The following SEPTIN14 variants were observed in gnomAD, a reference collection of about 807,000 sequenced individuals.
SEPTIN14 encodes the protein septin-14.
SEPTIN14 carries 40 observed loss-of-function variants against 53.6 expected under a neutral mutation model. The observed-to-expected ratio is 0.75, with a 90% CI of 0.58 to 0.97. SEPTIN14 has a LOEUF of 0.97. SEPTIN14 is among the 50% of genes least tolerant of loss of function. The probability of loss-of-function intolerance (pLI) is 0.00; values close to 1 mark genes in which losing one functional copy is unlikely to be tolerated. For synonymous variants in SEPTIN14, 138 were observed against 166.8 expected (o/e 0.83, Z 1.33); for missense variants, 471 against 508.2 (o/e 0.93, Z 0.70).
chr7:55,816,400 G>A (rs1788791325), intron 7 of SEPTIN14, among the ~76,000 whole-genome samples: 1 of 152,048 alleles, frequency 6.6e-6, no homozygotes, highest in Non-Finnish European at 1.5e-5. Context: ...GAGTTGATGG[G>A]TACTCTATCC....
chr7:55,805,153 G>T, intron 9 of SEPTIN14, 105 bp downstream of exon 9: 1 of 1,022,214 alleles, frequency 9.8e-7, no homozygotes, highest in African/African-American at 1.6e-5. Context: ...TTGAAAAATA[G>T]CAAGTATCCT....
chr7:55,849,743 C>T lies in SEPTIN14; in HGVS notation c.55-3106G>A, dbSNP rs555548047. Among the ~76,000 whole-genome samples, 8 of 152,118 alleles carry T rather than the reference C, an allele frequency of 5.3e-5. No individual in the cohort carries two copies. The East Asian group carries it at 1.5e-3, about 29-fold the overall frequency. Reference sequence around the variant, plus strand: ...CCTGGGCAACAGAGCAAGACTCCATCTCAAAAAAACAAAAAACAAACAAAC... The same window carrying T: ...CCTGGGCAACAGAGCAAGACTCCATTTCAAAAAAACAAAAAACAAACAAAC... On this transcript the variant is annotated intron_variant, in intron 2 of 9. Coordinates refer to ENST00000388975, the MANE Select transcript of SEPTIN14 (RefSeq NM_207366.3).
At chr7:55,815,641 A>T (rs746868108) in intron 7 of SEPTIN14, among the ~76,000 whole-genome samples, 5 of 152,208 alleles carry the variant, frequency 3.3e-5, no homozygotes, top group Non-Finnish European at 7.3e-5. Flanking sequence ...TAAAAACTAC[A>T]ATGAGATATA....
chr7:55,807,696 A>C (rs1039309904), intron 7 of SEPTIN14, among the ~76,000 whole-genome samples: 2 of 152,154 alleles, frequency 1.3e-5, no homozygotes, highest in Non-Finnish European at 2.9e-5. Context: ...CTTTAGTTAC[A>C]TATTTCCATT....
chr7:55,810,194 G>A (rs956387960), intron 7 of SEPTIN14, among the ~76,000 whole-genome samples: 2 of 150,154 alleles, frequency 1.3e-5, no homozygotes, highest in Non-Finnish European at 2.9e-5. Flanking sequence ...TGTTTAATTC[G>A]CATTTTCCTG....
intron 9 of SEPTIN14, among the ~76,000 whole-genome samples, chr7:55,799,364 A>T (rs533839480): frequency 1.3e-5 from 2 of 151,390 alleles, no homozygotes; most frequent in East Asian, 3.9e-4. Context: ...AAAAAAAAAA[A>T]AAAATTAGCC....
chr7:55,819,476 C>A (rs1165177473), intron 6 of SEPTIN14, among the ~76,000 whole-genome samples: 2 of 152,054 alleles, frequency 1.3e-5, no homozygotes, highest in Non-Finnish European at 1.5e-5. Context: ...GTAGTCCCAG[C>A]TACTCGGGAG....
At chr7:55,840,111 C>G (rs1789282850) in intron 5 of SEPTIN14, among the ~76,000 whole-genome samples, 4 of 149,642 alleles carry the variant, frequency 2.7e-5, no homozygotes, top group Non-Finnish European at 5.9e-5. Context: ...CACCACGGCA[C>G]TCCAGCCTGG....
chr7:55,835,591 T>C (rs1789191493), intron 5 of SEPTIN14, among the ~76,000 whole-genome samples: 1 of 152,192 alleles, frequency 6.6e-6, no homozygotes, highest in African/African-American at 2.4e-5. Context: ...GGAAGGGATT[T>C]TGTCCTTCTA....
At chr7:55,815,131 T>C (rs540060005) in intron 7 of SEPTIN14, among the ~76,000 whole-genome samples, 1 of 152,206 alleles carries the variant, frequency 6.6e-6, no homozygotes, top group African/African-American at 2.4e-5. Context: ...TCAACACATA[T>C]AAAAATCAAA....
At chr7:55,857,570 G>T (rs1789661420) in intron 2 of SEPTIN14, among the ~76,000 whole-genome samples, 1 of 121,078 alleles carries the variant, frequency 8.3e-6, no homozygotes, top group Non-Finnish European at 1.7e-5. Context: ...GGGAGGGGAG[G>T]GGAGCCTGTG....
chr7:55,819,347 T>A (rs1788851719), intron 6 of SEPTIN14, 124 bp from the exon 7 acceptor site: 1 of 687,600 alleles, frequency 1.5e-6, no homozygotes, highest in South Asian at 1.6e-5. Flanking sequence ...CCCAGCACTT[T>A]GGGAGGCCGA....
At chr7:55,839,883 G>A (rs1789277809) in intron 5 of SEPTIN14, among the ~76,000 whole-genome samples, 1 of 152,118 alleles carries the variant, frequency 6.6e-6, no homozygotes, top group African/African-American at 2.4e-5. Context: ...GATGGCTCAC[G>A]CCTGTAATCC....
chr7:55,808,782 C>A (rs1450094884), intron 7 of SEPTIN14, among the ~76,000 whole-genome samples: 4 of 152,104 alleles, frequency 2.6e-5, no homozygotes, highest in Non-Finnish European at 5.9e-5. Context: ...GAACTCCTGA[C>A]CTCAGGTGAT....
At chr7:55,825,335 A>C (rs542776994) in intron 6 of SEPTIN14, among the ~76,000 whole-genome samples, 1 of 152,326 alleles carries the variant, frequency 6.6e-6, no homozygotes, top group East Asian at 1.9e-4. Context: ...CCAAGGGTAA[A>C]GGGAAAAGAG....
At chr7:55,850,212 C>A (rs2116065712) in intron 2 of SEPTIN14, among the ~76,000 whole-genome samples, 1 of 152,266 alleles carries the variant, frequency 6.6e-6, no homozygotes, top group African/African-American at 2.4e-5. Flanking sequence ...TGGCTCATGC[C>A]TGTATCCTAG....
intron 2 of SEPTIN14, among the ~76,000 whole-genome samples, chr7:55,850,556 T>G (rs1789499965): frequency 6.6e-6 from 1 of 152,192 alleles, no homozygotes; most frequent in African/African-American, 2.4e-5. Context: ...TGTGCATAGC[T>G]GCAAAAATTC....
chr7:55,826,799 G>GAA (rs201714281), intron 6 of SEPTIN14, among the ~76,000 whole-genome samples: 188 of 130,674 alleles, frequency 1.4e-3, no homozygotes, highest in Middle Eastern at 3.7e-3. Flanking sequence ...CACTGTCCCA[G>GAA]AAAAAAAAAA....
chr7:55,840,696 G>T (rs1789294654), intron 5 of SEPTIN14, among the ~76,000 whole-genome samples: 1 of 152,012 alleles, frequency 6.6e-6, no homozygotes, highest in Admixed American at 6.6e-5. Context: ...ATGGCATTTT[G>T]ATATCCCAGC....
Sources: allele counts gnomAD v4.1 joint callset (sites outside exome capture counted in the v4.1 genomes callset), GRCh38; gene constraint gnomAD v4.1.1; transcripts MANE v1.5; gene names NCBI Gene and HGNC (gene_info 2026-07-23, HGNC 2026-07-21).